The following NTNG1 variants were observed in gnomAD, a reference collection of about 807,000 sequenced individuals.
NTNG1 encodes the protein netrin-G1.
In NTNG1, 16 loss-of-function variants were observed where a neutral mutation model predicts 54.0. That is an observed-to-expected ratio of 0.30 (90% CI 0.20 to 0.45). NTNG1 has a LOEUF of 0.45. Ranked by LOEUF, NTNG1 falls within the 20% of genes least tolerant of loss-of-function variation. NTNG1 has a pLI of 1.00. For missense variants in NTNG1, 530 were observed against 678.7 expected (o/e 0.78, Z 2.43); for synonymous variants, 255 against 263.1 (o/e 0.97, Z 0.30).
At chr1:107,245,738 C>G (rs992392458) in intron 2 of NTNG1, among the ~76,000 whole-genome samples, 5 of 152,156 alleles carry the variant, frequency 3.3e-5, no homozygotes, top group African/African-American at 1.2e-4. Context: ...AGAAACACAT[C>G]AAGGTTTGAA....
intron 2 of NTNG1, among the ~76,000 whole-genome samples, chr1:107,171,511 T>TTCCA (rs1656237546): frequency 6.6e-6 from 1 of 152,114 alleles, no homozygotes; most frequent in Admixed American, 6.6e-5. Context: ...GGAGTCTGGA[T>TTCCA]GACTCAAAGA....
intron 3 of NTNG1, among the ~76,000 whole-genome samples, chr1:107,385,203 G>T (rs1319677556): frequency 6.6e-6 from 1 of 152,138 alleles, no homozygotes; most frequent in Non-Finnish European, 1.5e-5. Flanking sequence ...AGTGCCCTAG[G>T]ACTGGGATCG....
At chr1:107,261,760 G>T (rs1383759590) in intron 2 of NTNG1, among the ~76,000 whole-genome samples, 1 of 152,088 alleles carries the variant, frequency 6.6e-6, no homozygotes. Context: ...GGAGAATGGC[G>T]TGAACCCGGG....
chr1:107,342,243 G>A (rs566564397), intron 3 of NTNG1, among the ~76,000 whole-genome samples: 3 of 151,936 alleles, frequency 2.0e-5, no homozygotes, highest in African/African-American at 7.2e-5. Context: ...CAGTTTCCAG[G>A]GAAATTCTGA....
intron 3 of NTNG1, among the ~76,000 whole-genome samples, chr1:107,388,613 A>T (rs1231692425): frequency 3.3e-5 from 5 of 152,264 alleles, no homozygotes; most frequent in Non-Finnish European, 5.9e-5. Flanking sequence ...GCTTAGAATT[A>T]TTCAGACAAT....
chr1:107,480,574 G>GCCCCCCCCCCC, intron 7 of NTNG1, 37 bp from the exon 8 acceptor site: 1 of 324,106 alleles, frequency 3.1e-6, no homozygotes. Flanking sequence ...TCTCCTCCCC[G>GCCCCCCCCCCC]CGCCCACCCA....
At chr1:107,340,524 T>G (rs761954937) in intron 3 of NTNG1, among the ~76,000 whole-genome samples, 2 of 152,108 alleles carry the variant, frequency 1.3e-5, no homozygotes, top group African/African-American at 4.8e-5. Context: ...CCAAGAGGCT[T>G]CTTTGCAATT....
intron 3 of NTNG1, among the ~76,000 whole-genome samples, chr1:107,383,401 T>A (rs12746621): frequency 0.11 from 17,186 of 152,148 alleles, 1,183 homozygotes; most frequent in Non-Finnish European, 0.16. Context: ...ATATAAGAAA[T>A]TATCATGGTA....
chr1:107,398,599 A>C (rs958425496), intron 4 of NTNG1, among the ~76,000 whole-genome samples: 23 of 152,176 alleles, frequency 1.5e-4, no homozygotes, highest in African/African-American at 5.1e-4. Flanking sequence ...TCATGACAAT[A>C]AACTTGACAG....
chr1:107,324,710 C>G lies in NTNG1; in HGVS notation c.675C>G (p.Ile225Met). The change falls in exon 3 of 8, where the codon ATC becomes ATG. Residue 225 changes from isoleucine (I) to methionine (M), a missense_variant. Physicochemically the swap from Ile to Met is conservative, Grantham distance 10. This residue lies in a region of NTNG1 where 318 missense variants were observed against 465.1 expected (regional missense o/e 0.68). Coordinates refer to ENST00000370068, the MANE Select transcript of NTNG1 (RefSeq NM_001113226.3). ...TTNSKIIHFE[I>M]KDRFAFFAGP... ...ATAGCAAAATAATCCACTTTGAAAT[C>G]AAAGACAGGTTCGCGTTTTTTGCTG... is the stretch of plus-strand genomic sequence containing the variant. The G allele has an allele frequency of 6.2e-7, 1 of 1,613,528 alleles. No homozygotes were observed. Among genetic ancestry groups the G allele is most frequent in the Non-Finnish European group, 8.5e-7 (1 of 1,179,734 alleles).
At chr1:107,241,396 A>G (rs1337716729) in intron 2 of NTNG1, among the ~76,000 whole-genome samples, 2 of 152,216 alleles carry the variant, frequency 1.3e-5, no homozygotes, top group African/African-American at 2.4e-5. Context: ...GAAAGGAGGA[A>G]GCGGTAATAT....
intron 7 of NTNG1, among the ~76,000 whole-genome samples, chr1:107,440,417 G>A (rs761437563): frequency 1.3e-4 from 20 of 152,182 alleles, no homozygotes; most frequent in Non-Finnish European, 2.4e-4. Context: ...TGACCTGCAA[G>A]ACTAAGAGGA....
intron 3 of NTNG1, among the ~76,000 whole-genome samples, chr1:107,390,021 GT>G (rs1242498207): frequency 2.6e-5 from 4 of 152,142 alleles, no homozygotes; most frequent in African/African-American, 9.7e-5. Context: ...ATTGTGAAAT[GT>G]TTTTGTTTTT....
At chr1:107,395,431 A>C in intron 4 of NTNG1, 105 bp downstream of exon 4, 24 of 1,078,762 alleles carry the variant, frequency 2.2e-5, no homozygotes, top group Non-Finnish European at 3.1e-5. Context: ...CAGTTGTCTC[A>C]TTCTTCTTTA....
At chr1:107,383,131 A>G (rs1233540839) in intron 3 of NTNG1, among the ~76,000 whole-genome samples, 1 of 152,198 alleles carries the variant, frequency 6.6e-6, no homozygotes, top group African/African-American at 2.4e-5. Context: ...TTCTAATCAG[A>G]GTGTAATATA....
At chr1:107,159,834 G>C (rs988264153) in intron 2 of NTNG1, among the ~76,000 whole-genome samples, 4 of 152,184 alleles carry the variant, frequency 2.6e-5, no homozygotes, top group Non-Finnish European at 4.4e-5. Context: ...TACGTGATGA[G>C]TGTCTTCATT....
chr1:107,342,611 A>G (rs922506233), intron 3 of NTNG1, among the ~76,000 whole-genome samples: 2 of 152,138 alleles, frequency 1.3e-5, no homozygotes, highest in Admixed American at 6.6e-5. Flanking sequence ...CCTACTTTGG[A>G]TAATGTTGAA....
At chr1:107,336,275 G>T (rs1390533890) in intron 3 of NTNG1, among the ~76,000 whole-genome samples, 3 of 150,506 alleles carry the variant, frequency 2.0e-5, no homozygotes, top group Non-Finnish European at 3.0e-5. Context: ...ACGAACCAAA[G>T]AAATAGAATA....
chr1:107,469,347 TGTTA>T (rs1301735763), intron 7 of NTNG1, among the ~76,000 whole-genome samples: 1 of 152,334 alleles, frequency 6.6e-6, no homozygotes, highest in Non-Finnish European at 1.5e-5. Flanking sequence ...GTTTTCCATG[TGTTA>T]GTTAGCTCCC....
Sources: gnomAD v4.1 joint callset for allele counts (sites outside exome capture counted in the v4.1 genomes callset) on GRCh38, gnomAD v4.1.1 for gene constraint, gnomAD v4.1.1 regional missense constraint, MANE v1.5 for transcripts, NCBI Gene and HGNC (gene_info 2026-07-23, HGNC 2026-07-21) for gene names.